The following SLIT2 variants were observed in gnomAD, a reference collection of about 807,000 sequenced individuals.
SLIT2 encodes the protein slit homolog 2 protein.
SLIT2 carries 41 observed loss-of-function variants against 185.7 expected under a neutral mutation model. That is an observed-to-expected ratio of 0.22 (90% CI 0.17 to 0.29). The LOEUF is 0.29. SLIT2 is among the 10% of genes least tolerant of loss of function. The pLI is 1.00. For missense variants in SLIT2, 1,571 were observed against 1,909.0 expected (o/e 0.82, Z 3.30); for synonymous variants, 693 against 680.2 (o/e 1.02, Z -0.29).
chr4:20,265,988 C>T (rs1712994924), intron 3 of SLIT2, among the ~76,000 whole-genome samples: 1 of 151,890 alleles, frequency 6.6e-6, no homozygotes, highest in African/African-American at 2.4e-5. Context: ...GCACTTCTCT[C>T]CAGAACAGCA....
intron 4 of SLIT2, among the ~76,000 whole-genome samples, chr4:20,440,786 C>G (rs1280321143): frequency 1.3e-5 from 2 of 152,124 alleles, no homozygotes; most frequent in Non-Finnish European, 2.9e-5. Context: ...GATTCCATTT[C>G]TTAAATATCC....
intron 16 of SLIT2, among the ~76,000 whole-genome samples, chr4:20,531,561 T>A (rs1052610034): frequency 3.9e-5 from 6 of 152,208 alleles, no homozygotes; most frequent in African/African-American, 1.4e-4. Context: ...GTTCCACAAC[T>A]GAATTGTATG....
intron 4 of SLIT2, among the ~76,000 whole-genome samples, chr4:20,415,409 T>TTA (rs1727579562): frequency 8.2e-5 from 1 of 12,226 alleles, no homozygotes; most frequent in African/African-American, 4.1e-4. Flanking sequence ...AGACTCCGTC[T>TTA]CAAAAAAAAA....
At chr4:20,374,289 A>G (rs970332841) in intron 4 of SLIT2, among the ~76,000 whole-genome samples, 7 of 152,148 alleles carry the variant, frequency 4.6e-5, no homozygotes, top group African/African-American at 1.7e-4. Flanking sequence ...TGGCTTAATA[A>G]TAGAAATTTA....
rs145517585 is a variant in SLIT2 at position 20,523,792 on chromosome 4, G to A, written c.1163G>A (p.Arg388Gln). The A allele has an allele frequency of 9.2e-5, 148 of 1,613,788 alleles. No individual in the cohort carries two copies. The highest frequency in any genetic ancestry group is 1.2e-4 in the Non-Finnish European group (136 of 1,179,842). ...AATGCCAACAAGATAAACTGCCTTC[G>A]GGTAGATGCTTTTCAGGATCTCCAC... ...LLNANKINCL[R>Q]VDAFQDLHNL... Residue 388 changes from arginine (R) to glutamine (Q), a missense_variant, in exon 13 of 37, where the codon CGG becomes CAG. Physicochemically the swap from Arg to Gln is conservative, Grantham distance 43 (BLOSUM62 1). Transcript: ENST00000504154.
chr4:20,583,966 C>A (rs1726827734), intron 29 of SLIT2, among the ~76,000 whole-genome samples: 1 of 152,094 alleles, frequency 6.6e-6, no homozygotes, highest in Admixed American at 6.6e-5. Context: ...ATAATACTCA[C>A]AATATCAGTA....
chr4:20,306,117 A>G (rs908031685), intron 4 of SLIT2, among the ~76,000 whole-genome samples: 15 of 152,086 alleles, frequency 9.9e-5, no homozygotes, highest in African/African-American at 3.6e-4. Flanking sequence ...AAAATTGGTT[A>G]GTGAAAGATA....
intron 4 of SLIT2, among the ~76,000 whole-genome samples, chr4:20,368,462 T>G (rs1281934659): frequency 6.6e-6 from 1 of 152,014 alleles, no homozygotes; most frequent in African/African-American, 2.4e-5. Flanking sequence ...TTGAAAATAA[T>G]TATATGTGTG....
At chr4:20,516,891 C>T (rs1178108684) in intron 11 of SLIT2, among the ~76,000 whole-genome samples, 2 of 151,850 alleles carry the variant, frequency 1.3e-5, no homozygotes, top group African/African-American at 2.4e-5. Context: ...CCTTTTTTGC[C>T]GTTTACCCAC....
At chr4:20,393,367 A>C in intron 4 of SLIT2, 1 of 152,056 alleles carries the variant, frequency 6.6e-6, no homozygotes, top group East Asian at 1.9e-4. Flanking sequence ...ACCCTTGGGA[A>C]TGGGATCTGG....
At chr4:20,372,635 C>A (rs1723685962) in intron 4 of SLIT2, among the ~76,000 whole-genome samples, 1 of 151,952 alleles carries the variant, frequency 6.6e-6, no homozygotes, top group Non-Finnish European at 1.5e-5. Flanking sequence ...TTTTTATGAT[C>A]TTTGTTGGTT....
chr4:20,480,855 C>A, intron 6 of SLIT2, 68 bp downstream of exon 6: 1 of 1,115,836 alleles, frequency 9.0e-7, no homozygotes, highest in Non-Finnish European at 1.4e-6. Context: ...AATGTGGAAG[C>A]TTATCTGCTA....
chr4:20,386,407 A>C (rs182143271), intron 4 of SLIT2, among the ~76,000 whole-genome samples: 6 of 152,044 alleles, frequency 3.9e-5, no homozygotes, highest in African/African-American at 1.4e-4. Context: ...GTGTGACACA[A>C]GTGTGTCACA....
chr4:20,541,077 T>G (rs1722762940), intron 19 of SLIT2, among the ~76,000 whole-genome samples: 1 of 152,196 alleles, frequency 6.6e-6, no homozygotes, highest in African/African-American at 2.4e-5. Context: ...TATATTAAAT[T>G]ACTGCATTAT....
At chr4:20,536,953 C>T (rs1428231481) in intron 18 of SLIT2, among the ~76,000 whole-genome samples, 1 of 152,148 alleles carries the variant, frequency 6.6e-6, no homozygotes, top group African/African-American at 2.4e-5. Flanking sequence ...ATCAATATTA[C>T]TGTCATCTCC....
chr4:20,424,436 A>G (rs1373733773), intron 4 of SLIT2, among the ~76,000 whole-genome samples: 2 of 152,268 alleles, frequency 1.3e-5, no homozygotes, highest in East Asian at 1.9e-4. Context: ...ATAAACTTCA[A>G]AAATACCAGG....
At chr4:20,610,722 C>A (rs1472372891) in intron 34 of SLIT2, among the ~76,000 whole-genome samples, 2 of 152,018 alleles carry the variant, frequency 1.3e-5, no homozygotes, top group African/African-American at 4.8e-5. Context: ...AATGAATGAA[C>A]AAATTAAATG....
intron 4 of SLIT2, among the ~76,000 whole-genome samples, chr4:20,351,591 A>C (rs565573506): frequency 1.1e-4 from 17 of 152,074 alleles, no homozygotes; most frequent in African/African-American, 3.9e-4. Flanking sequence ...CCAGGTGACA[A>C]CCTCCACTTA....
chr4:20,607,755 T>C (rs971489555), intron 33 of SLIT2, among the ~76,000 whole-genome samples: 2 of 152,156 alleles, frequency 1.3e-5, no homozygotes, highest in Admixed American at 6.5e-5. Flanking sequence ...CTTGGTAATA[T>C]ATGGGTCTTT....
Sources: gnomAD v4.1 joint callset for allele counts (sites outside exome capture counted in the v4.1 genomes callset) on GRCh38, gnomAD v4.1.1 for gene constraint, MANE v1.5 for transcripts, NCBI Gene and HGNC (gene_info 2026-07-23, HGNC 2026-07-21) for gene names.